The following NOL4 variants were observed in gnomAD, a reference collection of about 807,000 sequenced individuals.
NOL4 encodes the protein cancer/testis antigen 125.
NOL4 carries 17 observed loss-of-function variants against 75.9 expected under a neutral mutation model. The observed-to-expected ratio is 0.22, with a 90% CI of 0.15 to 0.34. The LOEUF is 0.34. Among genes scored for constraint, NOL4 ranks in the 10% least tolerant of loss-of-function variants. NOL4 has a pLI of 1.00. For missense variants in NOL4, 614 were observed against 793.5 expected, an observed-to-expected ratio of 0.77 and a Z score of 2.72; for synonymous variants, 292 against 289.9, an observed-to-expected ratio of 1.01 and a Z score of -0.07.
intron 6 of NOL4, among the ~76,000 whole-genome samples, chr18:33,976,533 T>G (rs144041928): frequency 6.6e-6 from 1 of 152,316 alleles, no homozygotes; most frequent in East Asian, 1.9e-4. Flanking sequence ...TACCTCAGTT[T>G]AGTTTCCACA....
chr18:34,111,192 G>A (rs2079570502), intron 2 of NOL4, among the ~76,000 whole-genome samples: 1 of 152,056 alleles, frequency 6.6e-6, no homozygotes, highest in Admixed American at 6.6e-5. Context: ...ATGTGTGTGT[G>A]CACACATAGA....
At chr18:33,880,127 T>C (rs991932565) in intron 10 of NOL4, among the ~76,000 whole-genome samples, 1 of 152,126 alleles carries the variant, frequency 6.6e-6, no homozygotes, top group Non-Finnish European at 1.5e-5. Context: ...ATTTGCACTG[T>C]CTTTCTGTGA....
At chr18:34,097,792 ATTG>A (rs532282419) in intron 4 of NOL4, among the ~76,000 whole-genome samples, 8 of 152,132 alleles carry the variant, frequency 5.3e-5, no homozygotes, top group Non-Finnish European at 1.2e-4. Context: ...TAATAGATAA[ATTG>A]TTGTTTCATA....
chr18:33,925,417 T>G (rs1320668584), intron 9 of NOL4, among the ~76,000 whole-genome samples: 1 of 152,158 alleles, frequency 6.6e-6, no homozygotes, highest in East Asian at 1.9e-4. Context: ...GTAAAAAGAT[T>G]TAAAGAAACC....
At chr18:33,860,584 G>GTTGTC (rs2063067440) in intron 10 of NOL4, among the ~76,000 whole-genome samples, 1 of 152,160 alleles carries the variant, frequency 6.6e-6, no homozygotes, top group Non-Finnish European at 1.5e-5. Flanking sequence ...TGCAAACAGG[G>GTTGTC]ACAATTTGAC....
At chr18:33,996,382 A>G (rs145841230) in intron 6 of NOL4, among the ~76,000 whole-genome samples, 17 of 150,510 alleles carry the variant, frequency 1.1e-4, no homozygotes, top group Admixed American at 4.0e-4. Context: ...CAATGCAAAA[A>G]TGAATTTTGT....
chr18:34,153,142 A>G (rs1322017468), intron 1 of NOL4, among the ~76,000 whole-genome samples: 1 of 151,782 alleles, frequency 6.6e-6, no homozygotes, highest in Admixed American at 6.6e-5. Context: ...TTTTCGTTAT[A>G]TTTTTCATAT....
In NOL4 at chr18:33,893,438, T is replaced by A. The variant is rs571043737; in HGVS notation, c.1543-10014A>T. ...CACTGAATTCCTAACTTACTCTAGA[T>A]GCCTAAGAAATGCTTTACCTTTATT... On this transcript the variant is annotated intron_variant, in intron 9 of 10. Transcript: ENST00000261592. Among the ~76,000 whole-genome samples, 5 of 152,274 alleles carry A rather than the reference T, an allele frequency of 3.3e-5. No individual in the cohort carries two copies. The East Asian group carries it at 9.7e-4, about 29-fold the overall frequency.
intron 5 of NOL4, among the ~76,000 whole-genome samples, chr18:34,033,852 G>T (rs1390316808): frequency 6.6e-6 from 1 of 151,948 alleles, no homozygotes; most frequent in African/African-American, 2.4e-5. Context: ...AGAATTCTCA[G>T]CAGAAATCTT....
intron 2 of NOL4, among the ~76,000 whole-genome samples, chr18:34,107,691 A>C (rs1427596001): frequency 2.0e-5 from 3 of 152,084 alleles, no homozygotes; most frequent in South Asian, 2.1e-4. Context: ...AAAAAAAAAA[A>C]AAAACTTTTT....
intron 1 of NOL4, among the ~76,000 whole-genome samples, chr18:34,212,781 G>C (rs889801348): frequency 3.3e-5 from 5 of 152,208 alleles, no homozygotes; most frequent in Admixed American, 1.3e-4. Context: ...TCAGCATCCA[G>C]AGACTGCTCT....
chr18:33,983,985 C>T (rs1418604908), intron 6 of NOL4, among the ~76,000 whole-genome samples: 2 of 152,064 alleles, frequency 1.3e-5, no homozygotes, highest in Non-Finnish European at 2.9e-5. Flanking sequence ...TCTTTGCTTG[C>T]ACATAATTTG....
chr18:34,131,394 CAT>C (rs1243566787), intron 1 of NOL4, among the ~76,000 whole-genome samples: 3 of 152,094 alleles, frequency 2.0e-5, no homozygotes. Flanking sequence ...TAGGAAATCA[CAT>C]GTTAGGTCAA....
chr18:34,058,737 C>T (rs1322013388), intron 5 of NOL4, among the ~76,000 whole-genome samples: 5 of 152,078 alleles, frequency 3.3e-5, no homozygotes, highest in African/African-American at 1.2e-4. Context: ...CCAGTGCCTG[C>T]ACTGTGAGAG....
chr18:33,860,618 C>G (rs1048259804), intron 10 of NOL4, among the ~76,000 whole-genome samples: 3 of 151,920 alleles, frequency 2.0e-5, no homozygotes, highest in African/African-American at 7.3e-5. Flanking sequence ...AATTGAATAC[C>G]CTTTATTTCC....
chr18:34,125,746 A>AT (rs139828361), intron 2 of NOL4, among the ~76,000 whole-genome samples: 8,572 of 152,118 alleles, frequency 0.056, 315 homozygotes, highest in Non-Finnish European at 0.084. Context: ...TATTAAAAGC[A>AT]TTTTTTTAAA....
chr18:33,997,200 G>A (rs2073356910), intron 6 of NOL4, among the ~76,000 whole-genome samples: 1 of 151,650 alleles, frequency 6.6e-6, no homozygotes, highest in African/African-American at 2.4e-5. Flanking sequence ...AGGTTTTCTT[G>A]GAGAATTTTA....
At chr18:34,056,941 C>T (rs1330801322) in intron 5 of NOL4, among the ~76,000 whole-genome samples, 4 of 152,220 alleles carry the variant, frequency 2.6e-5, no homozygotes, top group Admixed American at 2.6e-4. Flanking sequence ...CTGAGAAATA[C>T]TTAAAGATGA....
intron 1 of NOL4, among the ~76,000 whole-genome samples, chr18:34,193,612 A>G (rs2146421755): frequency 6.6e-6 from 1 of 152,272 alleles, no homozygotes; most frequent in Admixed American, 6.5e-5. Flanking sequence ...GTGGAGGAAA[A>G]AAAAACCTTT....
Sources: gnomAD v4.1 joint callset for allele counts (sites outside exome capture counted in the v4.1 genomes callset) on GRCh38, gnomAD v4.1.1 for gene constraint, MANE v1.5 for transcripts, NCBI Gene and HGNC (gene_info 2026-07-23, HGNC 2026-07-21) for gene names.